Variants in CCSER1 observed in about 807,000 individuals in gnomAD.
CCSER1 encodes coiled-coil serine rich protein 1.
A neutral mutation model predicts 82.0 loss-of-function variants in CCSER1; 41 were observed. That is an observed-to-expected ratio of 0.50 (90% confidence interval 0.39 to 0.65). CCSER1 has a LOEUF of 0.65. Ranked by LOEUF, CCSER1 falls within the 30% of genes least tolerant of loss-of-function variation. CCSER1 has a pLI of 0.00. For missense variants in CCSER1, 1,119 were observed against 1,064.2 expected (o/e 1.05, Z -0.72); for synonymous variants, 414 against 383.9 (o/e 1.08, Z -0.92).
intron 7 of CCSER1, among the ~76,000 whole-genome samples, chr4:90,764,082 C>G (rs746272115): frequency 2.6e-4 from 39 of 152,106 alleles, no homozygotes; most frequent in Non-Finnish European, 1.6e-4. Flanking sequence ...TATATTGACT[C>G]ACCAGGTTGT....
intron 7 of CCSER1, among the ~76,000 whole-genome samples, chr4:90,792,359 C>T (rs12108477): frequency 0.053 from 8,020 of 152,060 alleles, 464 homozygotes; most frequent in African/African-American, 0.15. Flanking sequence ...CTAGTTTTTA[C>T]TCTCCTTTGT....
At chr4:91,019,995 T>C (rs1384503154) in intron 9 of CCSER1, among the ~76,000 whole-genome samples, 2 of 152,190 alleles carry the variant, frequency 1.3e-5, no homozygotes, top group Non-Finnish European at 2.9e-5. Flanking sequence ...GTGTCAAAAA[T>C]AGAAATTGTC....
intron 10 of CCSER1, among the ~76,000 whole-genome samples, chr4:91,358,930 C>T (rs375229298): frequency 1.3e-5 from 2 of 152,236 alleles, no homozygotes; most frequent in Admixed American, 1.3e-4. Flanking sequence ...TCAGTCACCT[C>T]GCTTCCCAGT....
intron 10 of CCSER1, among the ~76,000 whole-genome samples, chr4:91,149,695 A>T (rs1027162196): frequency 6.6e-6 from 1 of 152,208 alleles, no homozygotes; most frequent in South Asian, 2.1e-4. Context: ...CTTTCTGCAT[A>T]TGACTAGCCA....
chr4:91,594,408 TAC>T (rs1372575097), intron 10 of CCSER1, among the ~76,000 whole-genome samples: 1 of 119,986 alleles, frequency 8.3e-6, no homozygotes, highest in South Asian at 2.3e-4. Context: ...TACACATATA[TAC>T]ACATATATAT....
chr4:90,801,110 C>T (rs1308702070), intron 7 of CCSER1, among the ~76,000 whole-genome samples: 1 of 152,102 alleles, frequency 6.6e-6, no homozygotes, highest in African/African-American at 2.4e-5. Context: ...AACATAGTCT[C>T]ATGGAACTTT....
chr4:90,295,477 C>T (rs955370573), intron 1 of CCSER1, among the ~76,000 whole-genome samples: 15 of 151,778 alleles, frequency 9.9e-5, no homozygotes, highest in Middle Eastern at 3.4e-3. Context: ...TCTTTGCTCC[C>T]TTTTATTCTT....
rs72877739 is a variant in CCSER1, at chr4:90,249,705, G to A, written c.-41-58539G>A. ...TTTTATTGCTGAATAATATTCCATT[G>A]TATGGATCTACCACATGTATTTTTT... On this transcript the variant is annotated intron_variant, in intron 1 of 10. Transcript: ENST00000509176. Among the ~76,000 whole-genome samples the A allele has an allele frequency of 9.7e-3, 1,479 of 152,090 alleles. 18 individuals are homozygous for A. Among genetic ancestry groups the A allele is most frequent in the African/African-American group, 0.033 (1,378 of 41,474 alleles).
intron 5 of CCSER1, among the ~76,000 whole-genome samples, chr4:90,573,654 A>C (rs1392358992): frequency 6.6e-6 from 1 of 152,110 alleles, no homozygotes; most frequent in Non-Finnish European, 1.5e-5. Context: ...TAGTTACTCA[A>C]ATTGGTATTT....
At chr4:91,099,160 A>G (rs1017477134) in intron 10 of CCSER1, among the ~76,000 whole-genome samples, 1 of 152,168 alleles carries the variant, frequency 6.6e-6, no homozygotes, top group Non-Finnish European at 1.5e-5. Flanking sequence ...AGAATACACT[A>G]TCTTGAATTT....
intron 5 of CCSER1, among the ~76,000 whole-genome samples, chr4:90,536,031 G>GTTT (rs781671347): frequency 0.012 from 1,412 of 117,162 alleles, 67 homozygotes; most frequent in African/African-American, 0.043. Context: ...CTTTCTTTCT[G>GTTT]TTTTTTTTTT....
Position 90,819,042 on chromosome 4 carries a change from AG to A in CCSER1, c.2094+3198del. On this transcript the variant is annotated intron_variant, in intron 8 of 10. Transcript: ENST00000509176. ...ATTTGTCAGATTTCTGGAGGATAGA[AG>A]TCTGAGATCCGGTGCCAGAGTGTTG... Among the ~76,000 whole-genome samples the A allele has an allele frequency of 2.0e-5, 3 of 152,314 alleles. No homozygotes were observed. In the Middle Eastern group the frequency reaches 0.01, roughly 518 times the overall value.
At chr4:90,798,319 T>C (rs1280371911) in intron 7 of CCSER1, among the ~76,000 whole-genome samples, 1 of 152,096 alleles carries the variant, frequency 6.6e-6, no homozygotes, top group African/African-American at 2.4e-5. Context: ...GTTTTTCAGG[T>C]CTATCATGTT....
At chr4:91,207,347 C>A (rs991836052) in intron 10 of CCSER1, among the ~76,000 whole-genome samples, 5 of 125,334 alleles carry the variant, frequency 4.0e-5, no homozygotes, top group African/African-American at 1.4e-4. Flanking sequence ...AGTTGCTTTT[C>A]TTTTCTTTTT....
intron 6 of CCSER1, among the ~76,000 whole-genome samples, chr4:90,682,151 A>G (rs545299008): frequency 6.6e-6 from 1 of 151,900 alleles, no homozygotes; most frequent in Non-Finnish European, 1.5e-5. Context: ...GTGTAGGTAA[A>G]TCATCTTGGA....
intron 7 of CCSER1, among the ~76,000 whole-genome samples, chr4:90,794,916 T>TTG (rs1554015168): frequency 1.3e-5 from 2 of 152,064 alleles, no homozygotes; most frequent in Non-Finnish European, 2.9e-5. Context: ...AAGTATATTT[T>TTG]TGTGTGTGTG....
At chr4:90,404,245 C>G (rs947487862) in intron 4 of CCSER1, 1 of 152,142 alleles carries the variant, frequency 6.6e-6, no homozygotes, top group African/African-American at 2.4e-5. Context: ...AGCCATAATC[C>G]CCCTGGGAAT....
In CCSER1 at chr4:90,933,030, AAG is replaced by A. The variant is rs749637357; in HGVS notation, c.2172+9585_2172+9586del. On this transcript the variant is annotated intron_variant, in intron 9 of 10. Coordinates refer to ENST00000509176, the MANE Select transcript of CCSER1 (RefSeq NM_001145065.2). Reference sequence around the variant, plus strand: ...AAAGAAAGAAAGAAAGAAAGAAAGAAAGAAAGAAAGAAAGAGAAGGAAGGAAC... The same window carrying A: ...AAAGAAAGAAAGAAAGAAAGAAAGAAAAAGAAAGAAAGAGAAGGAAGGAAC... Among the ~76,000 whole-genome samples the A allele has an allele frequency of 1.2e-4, 13 of 105,932 alleles. 3 individuals carry two copies. Among genetic ancestry groups the A allele is most frequent in the Non-Finnish European group, 2.4e-4 (13 of 53,918 alleles). 69.5% of individuals were successfully genotyped at this position (105,932 alleles called of 152,430 possible).
chr4:90,418,344 C>T (rs1158558639), intron 4 of CCSER1, among the ~76,000 whole-genome samples: 1 of 151,974 alleles, frequency 6.6e-6, no homozygotes, highest in Non-Finnish European at 1.5e-5. Flanking sequence ...TCTTTCCAGT[C>T]TCTATTAGTG....
Sources: gnomAD v4.1 joint callset for allele counts (sites outside exome capture counted in the v4.1 genomes callset) on GRCh38, gnomAD v4.1.1 for gene constraint, MANE v1.5 for transcripts, NCBI Gene and HGNC (gene_info 2026-07-23, HGNC 2026-07-21) for gene names.